TDRD6: variants seen among roughly 807,000 people sequenced by gnomAD.
TDRD6 encodes tudor domain containing 6, also known as tudor domain-containing protein 6.
In TDRD6, 186 loss-of-function variants were observed where a neutral mutation model predicts 157.5. The observed-to-expected ratio is 1.18, with a 90% confidence interval of 1.05 to 1.33. The LOEUF is 1.33. Among genes scored for constraint, TDRD6 ranks in the 40% most tolerant of loss-of-function variants. TDRD6 has a pLI of 0.00. For synonymous variants in TDRD6, 1,075 were observed against 945.2 expected (o/e 1.14, Z -2.52); for missense variants, 3,066 against 2,508.0 (o/e 1.22, Z -4.75).
intron 3 of TDRD6, among the ~76,000 whole-genome samples, 156 bp from the exon 4 acceptor site, chr6:46,701,702 T>C (rs1221316892): frequency 6.6e-6 from 1 of 152,170 alleles, no homozygotes; most frequent in Non-Finnish European, 1.5e-5. Context: ...TAAAACATTG[T>C]TTCTATAGAA....
chr6:46,681,702 T>C, the TDRD6 span: 1 of 401,628 alleles, frequency 2.5e-6, no homozygotes, highest in Non-Finnish European at 5.2e-6. Flanking sequence ...CCTAATTGCT[T>C]GTTATCACGG....
chr6:46,685,390 T>G (rs1768394406), upstream of TDRD6, among the ~76,000 whole-genome samples: 1 of 152,232 alleles, frequency 6.6e-6, no homozygotes, highest in Admixed American at 6.5e-5. Flanking sequence ...CTTAGAGTTC[T>G]CTATACACAG....
chr6:46,690,292 G>C lies in TDRD6; in HGVS notation c.2164G>C (p.Ala722Pro). The change falls in exon 1 of 4, where the codon GCT (alanine) becomes CCT (proline). Residue 722 changes from alanine (A) to proline (P), a missense_variant. Transcript: ENST00000316081. ...GAATAAAACCACATCTGTTTCAAAAGCTTTGAGTGACACAACAGTTGTAAC... is the reference window on the plus strand; with the variant it reads ...GAATAAAACCACATCTGTTTCAAAACCTTTGAGTGACACAACAGTTGTAAC... ...RENKTTSVSK[A>P]LSDTTVVTNG... is the part of the protein sequence containing the mutation. 1 of 1,613,542 alleles carries C rather than the reference G, an allele frequency of 6.2e-7. No homozygotes were observed. Among genetic ancestry groups the C allele is most frequent in the East Asian group, 2.2e-5 (1 of 44,882 alleles).
chr6:46,690,011 A>T lies in TDRD6; in HGVS notation c.1883A>T (p.Glu628Val). 1.2e-6 allele frequency: 2 copies of T among 1,613,878 alleles called. No individual in the cohort carries two copies. The highest frequency in any genetic ancestry group is 1.7e-6 in the Non-Finnish European group (2 of 1,179,884). ...SFFKKTVLHK[E>V]LVIHILDKQD... ...TTTAAAAAGACTGTGCTCCACAAAGAATTAGTCATCCATATTCTTGATAAA... is the reference window on the plus strand; with the variant it reads ...TTTAAAAAGACTGTGCTCCACAAAGTATTAGTCATCCATATTCTTGATAAA... The change falls in exon 1 of 4, where the codon GAA (glutamate) becomes GTA (valine). Residue 628 changes from glutamate to valine, a missense_variant. Glu to Val is a moderately radical substitution (Grantham distance 121). Transcript: ENST00000316081.
chr6:46,685,355 G>A (rs1338093921), upstream of TDRD6, among the ~76,000 whole-genome samples: 2 of 152,226 alleles, frequency 1.3e-5, no homozygotes, highest in Non-Finnish European at 1.5e-5. Context: ...AGAAACTATA[G>A]ACTGTAAAGT....
At position 46,690,624 on chromosome 6, in the gene TDRD6, G is replaced by A; in HGVS notation, c.2496G>A (p.Gln832=). ...TGGCTAAGCGAACAGTAAACAGACA[G>A]TGGTCCAGAGCACTTATTAGTGGGA... The part of the protein sequence containing the change: ...ACLAKRTVNR[Q]WSRALISGIQ... Residue 832 remains glutamine, a synonymous_variant, in exon 1 of 4, where the codon CAG becomes CAA. Transcript: ENST00000316081. 6.2e-7 allele frequency: 1 copy of A among 1,614,196 alleles called. No homozygotes were observed. Among genetic ancestry groups the A allele is most frequent in the East Asian group, 2.2e-5 (1 of 44,878 alleles).
Position 46,690,269 on chromosome 6 carries a change from A to G in TDRD6, c.2141A>G (p.Asn714Ser). ...GGAGAGCAGAAAGCCAAGAGAGAGA[A>G]TAAAACCACATCTGTTTCAAAAGCT... ...GEGEQKAKRE[N>S]KTTSVSKALS... Residue 714 changes from asparagine (N) to serine (S), a missense_variant, in exon 1 of 4, where the codon AAT becomes AGT. Transcript: ENST00000316081. 1.2e-6 allele frequency: 2 copies of G among 1,613,762 alleles called. No individual in the cohort carries two copies. The highest frequency in any genetic ancestry group is 1.7e-6 in the Non-Finnish European group (2 of 1,180,028).
chr6:46,688,057 G>A lies in TDRD6; in HGVS notation c.-72G>A. 7.1e-7 allele frequency: 1 copy of A among 1,407,842 alleles called. No individual in the cohort carries two copies. Among genetic ancestry groups the A allele is most frequent in the Non-Finnish European group, 9.2e-7 (1 of 1,089,364 alleles). The allele number at this position is 1,407,842 out of a possible 1,614,324, so 87.2% of individuals were successfully genotyped here. ...TTTGGCTGGGACTCGCCTTCAGGCG[G>A]CGCGGAGGATTTCGAGGCCCTGAGG... On this transcript the variant is annotated 5_prime_UTR_variant, in exon 1 of 4. Coordinates refer to ENST00000316081, the MANE Select transcript of TDRD6 (RefSeq NM_001010870.3).
chr6:46,701,110 A>G (rs537806009), intron 3 of TDRD6: 3 of 383,422 alleles, frequency 7.8e-6, no homozygotes, highest in East Asian at 9.1e-5. Flanking sequence ...CAGAATTACA[A>G]TTTCTTAAAA....
Position 46,692,615 on chromosome 6 carries a change from G to T in TDRD6, c.4487G>T (p.Ser1496Ile). Residue 1496 changes from serine (S) to isoleucine (I), a missense_variant, in exon 1 of 4, where the codon AGT (serine) becomes ATT (isoleucine). Transcript: ENST00000316081. Reference sequence around the variant, plus strand: ...TCTACCCAAGTAATTAAAAGTGCCAGTTCAAAGTCTGTTAACAAATCAGAC... The same window carrying T: ...TCTACCCAAGTAATTAAAAGTGCCATTTCAAAGTCTGTTAACAAATCAGAC... ...ELSTQVIKSASSKSVNKSDID... is the reference protein window; with the variant it reads ...ELSTQVIKSAISKSVNKSDID... 1 of 1,613,230 alleles carries T rather than the reference G, an allele frequency of 6.2e-7. No homozygotes were observed. The highest frequency in any genetic ancestry group is 8.5e-7 in the Non-Finnish European group (1 of 1,179,750).
intron 3 of TDRD6, among the ~76,000 whole-genome samples, chr6:46,700,734 G>T (rs1475011086): frequency 1.3e-5 from 2 of 152,062 alleles, no homozygotes; most frequent in Admixed American, 6.5e-5. Flanking sequence ...GAGTTGTTGG[G>T]GATTTGAGAG....
At chr6:46,684,365 TTG>T (rs56327636), upstream of TDRD6, among the ~76,000 whole-genome samples, 1,899 of 147,004 alleles carry the variant, frequency 0.013, 23 homozygotes, top group South Asian at 0.037. Flanking sequence ...AAGCACACAT[TTG>T]TGTGTGTGTG....
At position 46,699,007 on chromosome 6, in the gene TDRD6, T is replaced by C. The variant is rs1764561911; in HGVS notation, c.6261+920T>C. ...GGTAGTCAGGGACTTTGGTCAGTGG[T>C]TTATATAGTAGTTAAGTGTCAAAGA... On this transcript the variant is annotated intron_variant, in intron 3 of 3. Coordinates refer to ENST00000316081, the MANE Select transcript of TDRD6 (RefSeq NM_001010870.3). Among the ~76,000 whole-genome samples the C allele has an allele frequency of 4.6e-5, 7 of 152,238 alleles. No individual in the cohort carries two copies. In the South Asian group the frequency reaches 1.5e-3, roughly 32 times the overall value.
In TDRD6 at chr6:46,693,789, C is replaced by A. The variant is rs1162422862; in HGVS notation, c.5661C>A (p.Ala1887=). 6.2e-7 allele frequency: 1 copy of A among 1,614,124 alleles called. No homozygotes were observed. Among genetic ancestry groups the A allele is most frequent in the Non-Finnish European group, 8.5e-7 (1 of 1,180,038 alleles). The change falls in exon 1 of 4, where the codon GCC becomes GCA. Residue 1887 remains alanine (A), a synonymous_variant. Transcript: ENST00000316081. ...CCCAAGAGTGTGTCACAAAAGGCGC[C>A]ATGGAGCTATTTACACTGCAGCTTC... is the stretch of plus-strand genomic sequence containing the variant. ...PLSQECVTKG[A]MELFTLQLPL...
intron 3 of TDRD6, 98 bp downstream of exon 3, chr6:46,698,185 T>G (rs1764542870): frequency 1.2e-6 from 1 of 811,332 alleles, no homozygotes; most frequent in East Asian, 2.7e-5. Flanking sequence ...TTTGGAAAAA[T>G]GGGAGAAAAA....
At position 46,688,139 on chromosome 6, in the gene TDRD6, C is replaced by T. The variant is rs201779806; in HGVS notation, c.11C>T (p.Thr4Met). MCSTPGMPAPGASL... is the reference protein window; with the variant it reads MCSMPGMPAPGASL... ...CGCCGCGCCGTCAAGATGTGCTCGA[C>T]GCCCGGAATGCCGGCGCCGGGGGCC... Residue 4 changes from threonine to methionine, a missense_variant, in exon 1 of 4, where the codon ACG becomes ATG. Physicochemically the swap from Thr to Met is moderately conservative, Grantham distance 81. Coordinates refer to ENST00000316081, the MANE Select transcript of TDRD6 (RefSeq NM_001010870.3). 2.7e-3 allele frequency: 4,169 copies of T among 1,537,698 alleles called. 5 individuals are homozygous for T. The highest frequency in any genetic ancestry group is 3.2e-3 in the Non-Finnish European group (3,642 of 1,148,864).
chr6:46,701,271 AT>A (rs1363679627), intron 3 of TDRD6, among the ~76,000 whole-genome samples: 3 of 152,176 alleles, frequency 2.0e-5, no homozygotes, highest in Non-Finnish European at 4.4e-5. Flanking sequence ...AATATAGGAA[AT>A]TTATTAATTG....
At position 46,689,314 on chromosome 6, in the gene TDRD6, C is replaced by A; in HGVS notation, c.1186C>A (p.Leu396Met). 1 of 1,614,140 alleles carries A rather than the reference C, an allele frequency of 6.2e-7. No homozygotes were observed. The highest frequency in any genetic ancestry group is 8.5e-7 in the Non-Finnish European group (1 of 1,180,040). Residue 396 changes from leucine (L) to methionine (M), a missense_variant, in exon 1 of 4, where the codon CTG (leucine) becomes ATG (methionine). Transcript: ENST00000316081. ...CTGGTCTCGGTCACAGGTCGGTGACCTGAAGACACTGATACTAGGCAAGGC... is the reference window on the plus strand; with the variant it reads ...CTGGTCTCGGTCACAGGTCGGTGACATGAAGACACTGATACTAGGCAAGGC... ...RGWSRSQVGD[L>M]KTLILGKAVN...
chr6:46,690,280 T>C lies in TDRD6; in HGVS notation c.2152T>C (p.Ser718Pro). Residue 718 changes from serine to proline, a missense_variant, in exon 1 of 4, where the codon TCT becomes CCT. Coordinates refer to ENST00000316081, the MANE Select transcript of TDRD6 (RefSeq NM_001010870.3). Reference sequence around the variant, plus strand: ...AGCCAAGAGAGAGAATAAAACCACATCTGTTTCAAAAGCTTTGAGTGACAC... The same window carrying C: ...AGCCAAGAGAGAGAATAAAACCACACCTGTTTCAAAAGCTTTGAGTGACAC... The part of the protein sequence containing the change: ...QKAKRENKTT[S>P]VSKALSDTTV... The C allele has an allele frequency of 1.2e-6, 2 of 1,613,580 alleles. No individual in the cohort carries two copies. The highest frequency in any genetic ancestry group is 1.7e-6 in the Non-Finnish European group (2 of 1,180,016).
Sources: gnomAD v4.1 joint callset for allele counts (sites outside exome capture counted in the v4.1 genomes callset) on GRCh38, gnomAD v4.1.1 for gene constraint, MANE v1.5 for transcripts, NCBI Gene and HGNC (gene_info 2026-07-23, HGNC 2026-07-21) for gene names.